TRPC4: variants seen among roughly 807,000 people sequenced by gnomAD.
The protein encoded by TRPC4 is transient receptor potential cation channel subfamily C member 4, also known as short transient receptor potential channel 4.
Under a neutral mutation model 99.4 loss-of-function variants are expected in TRPC4, and 49 were observed. That is an observed-to-expected ratio of 0.49 (90% CI 0.39 to 0.63). TRPC4 has a LOEUF of 0.63. Among genes scored for constraint, TRPC4 ranks in the 20% least tolerant of loss-of-function variants. The probability of loss-of-function intolerance (pLI) is 0.00; values close to 1 mark genes in which losing one functional copy is unlikely to be tolerated. For missense variants in TRPC4, 898 were observed against 1,152.9 expected, an observed-to-expected ratio of 0.78 and a Z score of 3.20; for synonymous variants, 454 against 425.9, an observed-to-expected ratio of 1.07 and a Z score of -0.81.
intron 1 of TRPC4, among the ~76,000 whole-genome samples, chr13:37,838,973 G>C (rs1287160964): frequency 2.6e-5 from 4 of 152,170 alleles, no homozygotes; most frequent in Non-Finnish European, 5.9e-5. Flanking sequence ...CTAAGAGATA[G>C]AGCTGAGATG....
rs370166584 is a variant in TRPC4 at position 37,687,918 on chromosome 13, G to T, written c.1234+4081C>A. Among the ~76,000 whole-genome samples, 16 of 152,212 alleles carry T rather than the reference G, an allele frequency of 1.1e-4. No individual in the cohort carries two copies. The South Asian group carries it at 2.5e-3, about 24-fold the overall frequency. Reference sequence around the variant, plus strand: ...AATTTGACAGCCTGAGAAGGATATTGGTGTCCATCTGTCTGGAATTTACTC... The same window carrying T: ...AATTTGACAGCCTGAGAAGGATATTTGTGTCCATCTGTCTGGAATTTACTC... On this transcript the variant is annotated intron_variant, in intron 4 of 10. Transcript: ENST00000379705.
intron 6 of TRPC4, among the ~76,000 whole-genome samples, chr13:37,663,104 G>A (rs1952505792): frequency 6.6e-6 from 1 of 152,124 alleles, no homozygotes; most frequent in Non-Finnish European, 1.5e-5. Flanking sequence ...GTACTTGTAA[G>A]CTTTTGTAGT....
intron 2 of TRPC4, among the ~76,000 whole-genome samples, chr13:37,768,670 ACG>A (rs144539800): frequency 0.16 from 18,592 of 114,986 alleles, 1,136 homozygotes; most frequent in African/African-American, 0.18. Flanking sequence ...ACGAACACAC[ACG>A]CACACACACA....
At chr13:37,816,706 G>A (rs557314597) in intron 1 of TRPC4, among the ~76,000 whole-genome samples, 1 of 152,046 alleles carries the variant, frequency 6.6e-6, no homozygotes, top group Admixed American at 6.6e-5. Flanking sequence ...TCCCTAGGAT[G>A]CAAGATTGGT....
At position 37,869,170 on chromosome 13, in the gene TRPC4, C is replaced by T. The variant is rs546858687; in HGVS notation, c.-28+425G>A. On this transcript the variant is annotated intron_variant, in intron 1 of 10. Coordinates refer to ENST00000379705, the MANE Select transcript of TRPC4 (RefSeq NM_016179.4). ...TTTAAGTGCCGGAGAGCTAAGGCCT[C>T]ACTTATATGCACCCAGATGCCCCCG... Among the ~76,000 whole-genome samples the T allele has an allele frequency of 3.3e-5, 5 of 152,216 alleles. No individual in the cohort carries two copies. In the South Asian group the frequency reaches 1.0e-3, roughly 32 times the overall value.
At chr13:37,691,306 G>A (rs1339893164) in intron 4 of TRPC4, among the ~76,000 whole-genome samples, 5 of 152,064 alleles carry the variant, frequency 3.3e-5, no homozygotes, top group Non-Finnish European at 7.4e-5. Context: ...GGGTTTCACC[G>A]TGTTAGCTAG....
intron 3 of TRPC4, among the ~76,000 whole-genome samples, chr13:37,744,872 G>T (rs879432440): frequency 2.6e-5 from 4 of 152,008 alleles, no homozygotes; most frequent in Non-Finnish European, 4.4e-5. Context: ...AATTATGCTG[G>T]CTGATTAAGG....
At position 37,636,920 on chromosome 13, in the gene TRPC4, C is replaced by G. The variant is rs777830902; in HGVS notation, c.2917G>C (p.Val973Leu). 6 of 1,611,158 alleles carry G rather than the reference C, an allele frequency of 3.7e-6. No individual in the cohort carries two copies. The South Asian group carries it at 5.5e-5, about 15-fold the overall frequency. The change falls in exon 11 of 11, where the codon GTG becomes CTG. Residue 973 changes from valine to leucine, a missense_variant. This residue lies in a region of TRPC4 where 346 missense variants were observed against 351.4 expected (regional missense o/e 0.98). Coordinates refer to ENST00000379705, the MANE Select transcript of TRPC4 (RefSeq NM_016179.4). The stretch of plus-strand genomic sequence containing the variant: ...TTCAAGTATCACAATCTTGTGGTCA[C>G]GTAATCTTCGTGGGTGACTGTGTCT... ...LPDTVTHEDY[V>L]TTRL
intron 1 of TRPC4, among the ~76,000 whole-genome samples, chr13:37,838,253 T>C (rs1958624512): frequency 6.6e-6 from 1 of 152,206 alleles, no homozygotes; most frequent in Admixed American, 6.5e-5. Flanking sequence ...CAGCTGTTCT[T>C]AGTGTGTGGT....
chr13:37,788,054 T>A (rs998378763), intron 1 of TRPC4, among the ~76,000 whole-genome samples: 1 of 152,072 alleles, frequency 6.6e-6, no homozygotes. Flanking sequence ...GAAAATAATG[T>A]GTAATAGTCA....
chr13:37,642,384 T>C (rs1951741833), intron 8 of TRPC4, among the ~76,000 whole-genome samples: 1 of 152,162 alleles, frequency 6.6e-6, no homozygotes, highest in Non-Finnish European at 1.5e-5. Flanking sequence ...AGCTGTGGAA[T>C]GTACCTCCTA....
At chr13:37,774,802 A>G (rs1452416354) in intron 2 of TRPC4, among the ~76,000 whole-genome samples, 1 of 151,750 alleles carries the variant, frequency 6.6e-6, no homozygotes, top group Non-Finnish European at 1.5e-5. Context: ...GGAATAAGTG[A>G]ATATAGCAGG....
intron 3 of TRPC4, among the ~76,000 whole-genome samples, chr13:37,745,483 C>CGT (rs1955734548): frequency 9.2e-5 from 11 of 119,730 alleles, no homozygotes; most frequent in African/African-American, 3.6e-4. Flanking sequence ...TACACACACA[C>CGT]ACACACTTAT....
chr13:37,696,339 A>G (rs973787261), intron 3 of TRPC4, among the ~76,000 whole-genome samples: 1 of 152,162 alleles, frequency 6.6e-6, no homozygotes, highest in Non-Finnish European at 1.5e-5. Context: ...CATATCAACT[A>G]TCTAGAAAAG....
intron 3 of TRPC4, among the ~76,000 whole-genome samples, chr13:37,743,255 T>C (rs1955643708): frequency 6.6e-6 from 1 of 152,156 alleles, no homozygotes; most frequent in African/African-American, 2.4e-5. Flanking sequence ...GCTATATGTT[T>C]TTTGTTATGT....
At chr13:37,694,167 C>A (rs1953831004) in intron 3 of TRPC4, among the ~76,000 whole-genome samples, 1 of 151,770 alleles carries the variant, frequency 6.6e-6, no homozygotes, top group Non-Finnish European at 1.5e-5. Flanking sequence ...TTTAATTCCC[C>A]ATGGAATAAA....
At chr13:37,708,061 A>G (rs1293318289) in intron 3 of TRPC4, among the ~76,000 whole-genome samples, 1 of 152,124 alleles carries the variant, frequency 6.6e-6, no homozygotes, top group Admixed American at 6.6e-5. Context: ...TTTCTCTCCT[A>G]AAATAGAGAT....
chr13:37,815,278 T>C (rs1313581625), intron 1 of TRPC4, among the ~76,000 whole-genome samples: 2 of 151,756 alleles, frequency 1.3e-5, no homozygotes, highest in Admixed American at 1.3e-4. Flanking sequence ...AATATTAACC[T>C]TGAAACTAAA....
intron 2 of TRPC4, among the ~76,000 whole-genome samples, chr13:37,746,819 A>C (rs546095009): frequency 6.6e-6 from 1 of 152,136 alleles, no homozygotes; most frequent in South Asian, 2.1e-4. Context: ...GAGGTCCAAA[A>C]TAATCAAGAA....
Sources: gnomAD v4.1 joint callset for allele counts (sites outside exome capture counted in the v4.1 genomes callset) on GRCh38, gnomAD v4.1.1 for gene constraint, gnomAD v4.1.1 regional missense constraint, MANE v1.5 for transcripts, NCBI Gene and HGNC (gene_info 2026-07-23, HGNC 2026-07-21) for gene names.